Variants in DACH1 observed in about 807,000 individuals in gnomAD.
DACH1 encodes dachshund family transcription factor 1.
Under a neutral mutation model 54.2 loss-of-function variants are expected in DACH1, and 12 were observed. The ratio of observed to expected loss-of-function variants is 0.22; its 90% confidence interval spans 0.14 to 0.36. The LOEUF (loss-of-function observed/expected upper bound fraction) is 0.36. Among genes scored for constraint, DACH1 ranks in the 10% least tolerant of loss-of-function variants. The pLI is 1.00. For missense variants in DACH1, 805 were observed against 929.8 expected (o/e 0.87, Z 1.75); for synonymous variants, 386 against 366.2 (o/e 1.05, Z -0.62).
chr13:71,716,078 A>G (rs964363692), intron 1 of DACH1, among the ~76,000 whole-genome samples: 5 of 152,010 alleles, frequency 3.3e-5, no homozygotes, highest in African/African-American at 1.2e-4. Context: ...CAGAAAATAA[A>G]CCACCATCCA....
intron 3 of DACH1, among the ~76,000 whole-genome samples, chr13:71,580,205 AAAGC>A (rs1885772389): frequency 6.6e-6 from 1 of 152,212 alleles, no homozygotes; most frequent in South Asian, 2.1e-4. Flanking sequence ...TCTTCAAAAT[AAAGC>A]AGTTTGGTAT....
chr13:71,650,538 T>A (rs1019280297), intron 2 of DACH1, among the ~76,000 whole-genome samples: 22 of 152,164 alleles, frequency 1.4e-4, no homozygotes, highest in Admixed American at 1.3e-3. Flanking sequence ...TAATAGATAA[T>A]AAGATATTTA....
At chr13:71,473,005 CTGTTA>C (rs1242971213) in intron 10 of DACH1, among the ~76,000 whole-genome samples, 1 of 152,102 alleles carries the variant, frequency 6.6e-6, no homozygotes, top group Non-Finnish European at 1.5e-5. Flanking sequence ...TCTCTTTGCT[CTGTTA>C]TGTTAAGAGT....
chr13:71,702,499 A>T (rs1176775798), intron 1 of DACH1, among the ~76,000 whole-genome samples: 2 of 152,210 alleles, frequency 1.3e-5, no homozygotes, highest in African/African-American at 4.8e-5. Context: ...TTCTGAAAGT[A>T]ATTACTTTAA....
chr13:71,752,702 G>A (rs1203505253), intron 1 of DACH1, among the ~76,000 whole-genome samples: 1 of 152,126 alleles, frequency 6.6e-6, no homozygotes, highest in Non-Finnish European at 1.5e-5. Flanking sequence ...TCATCAGGTT[G>A]CCAGCAAGAA....
intron 10 of DACH1, among the ~76,000 whole-genome samples, chr13:71,441,708 A>G (rs2138094334): frequency 6.6e-6 from 1 of 152,210 alleles, no homozygotes; most frequent in Non-Finnish European, 1.5e-5. Flanking sequence ...TAGTCTAAAT[A>G]TTTATGGACC....
At chr13:71,799,186 A>C (rs528599267) in intron 1 of DACH1, among the ~76,000 whole-genome samples, 1 of 152,262 alleles carries the variant, frequency 6.6e-6, no homozygotes, top group African/African-American at 2.4e-5. Flanking sequence ...GTTTATTTGT[A>C]CATTCATATA....
At chr13:71,824,018 T>G (rs1006521412) in intron 1 of DACH1, among the ~76,000 whole-genome samples, 1 of 151,982 alleles carries the variant, frequency 6.6e-6, no homozygotes, top group Non-Finnish European at 1.5e-5. Context: ...TATGGAATAG[T>G]TCACAATTCT....
At chr13:71,532,050 T>G (rs1882454293) in intron 6 of DACH1, among the ~76,000 whole-genome samples, 1 of 151,932 alleles carries the variant, frequency 6.6e-6, no homozygotes, top group Non-Finnish European at 1.5e-5. Context: ...TCTCTTTCAT[T>G]TGGAAAGCAG....
rs1352890579 is a variant in DACH1 at position 71,748,899 on chromosome 13, T to TTTCTTTCTTTCTTTCTTTCC, written c.849-66990_849-66989insGGAAAGAAAGAAAGAAAGAA. 1.4e-3 allele frequency among the ~76,000 whole-genome samples: 22 copies of TTTCTTTCTTTCTTTCTTTCC among 15,404 alleles called. 1 individual carries two copies. Among genetic ancestry groups the TTTCTTTCTTTCTTTCTTTCC allele is most frequent in the African/African-American group, 2.4e-3 (20 of 8,344 alleles). The allele number at this position is 15,404 out of a possible 152,430, so 10.1% of individuals were successfully genotyped here. On this transcript the variant is annotated intron_variant, in intron 1 of 10. Coordinates refer to ENST00000613252, the MANE Select transcript of DACH1 (RefSeq NM_080759.6). ...CTTTCTTTCTTTCTTTCTTTCTTTC[T>TTTCTTTCTTTCTTTCTTTCC]CTTTCTTTCTTTCTTTCTTTCTTTC...
chr13:71,604,639 T>G (rs1214113298), intron 3 of DACH1, among the ~76,000 whole-genome samples: 2 of 151,928 alleles, frequency 1.3e-5, no homozygotes, highest in Non-Finnish European at 2.9e-5. Context: ...AAACGTATTT[T>G]AACTGAGCTC....
At chr13:71,714,909 TTC>T (rs148719656) in intron 1 of DACH1, among the ~76,000 whole-genome samples, 235 of 152,234 alleles carry the variant, frequency 1.5e-3, no homozygotes, top group African/African-American at 5.4e-3. Flanking sequence ...GCTTCACTGA[TTC>T]TCTTTTTTCC....
At chr13:71,456,719 G>A (rs548963547) in intron 10 of DACH1, among the ~76,000 whole-genome samples, 20 of 152,102 alleles carry the variant, frequency 1.3e-4, no homozygotes. Context: ...TTTCTTCTCA[G>A]GAAAACCTAC....
chr13:71,671,690 C>A (rs982528865), intron 2 of DACH1, among the ~76,000 whole-genome samples: 1 of 151,950 alleles, frequency 6.6e-6, no homozygotes, highest in Admixed American at 6.6e-5. Context: ...TCAAAAAAAT[C>A]GTATTGTTTT....
chr13:71,534,515 A>G (rs1882628883), intron 6 of DACH1, among the ~76,000 whole-genome samples: 1 of 151,894 alleles, frequency 6.6e-6, no homozygotes, highest in Admixed American at 6.6e-5. Context: ...AAAATTAAGC[A>G]AAACATCAAC....
At chr13:71,802,541 G>A (rs1002564251) in intron 1 of DACH1, among the ~76,000 whole-genome samples, 14 of 151,888 alleles carry the variant, frequency 9.2e-5, no homozygotes, top group Non-Finnish European at 1.8e-4. Flanking sequence ...ACCAGAAAAT[G>A]TGGCAAGTAT....
chr13:71,828,187 C>T (rs1888450887), intron 1 of DACH1, among the ~76,000 whole-genome samples: 1 of 151,940 alleles, frequency 6.6e-6, no homozygotes. Flanking sequence ...AATGAAATCA[C>T]ATAGGGACAT....
chr13:71,734,832 G>A (rs1172747225), intron 1 of DACH1, among the ~76,000 whole-genome samples: 1 of 136,378 alleles, frequency 7.3e-6, no homozygotes, highest in Non-Finnish European at 1.6e-5. Context: ...TCCCATATAC[G>A]TATACCCCAT....
chr13:71,797,952 C>T (rs1264548887), intron 1 of DACH1, among the ~76,000 whole-genome samples: 3 of 152,078 alleles, frequency 2.0e-5, no homozygotes, highest in Non-Finnish European at 4.4e-5. Context: ...AGTGACAGAA[C>T]AGTTTCACTG....
Sources: gnomAD v4.1 joint callset for allele counts (sites outside exome capture counted in the v4.1 genomes callset) on GRCh38, gnomAD v4.1.1 for gene constraint, MANE v1.5 for transcripts, NCBI Gene and HGNC (gene_info 2026-07-23, HGNC 2026-07-21) for gene names.